Variants in ASIC2 observed in about 807,000 individuals in gnomAD.
The protein encoded by ASIC2 is acid sensing ion channel subunit 2.
A neutral mutation model predicts 57.3 loss-of-function variants in ASIC2; 25 were observed. The ratio of observed to expected loss-of-function variants is 0.44; its 90% CI spans 0.32 to 0.61. ASIC2 has a LOEUF of 0.61. Ranked by LOEUF, ASIC2 falls within the 20% of genes least tolerant of loss-of-function variation. The probability of loss-of-function intolerance (pLI) is 0.06; values close to 1 mark genes in which losing one functional copy is unlikely to be tolerated. For missense variants in ASIC2, 641 were observed against 738.1 expected, an observed-to-expected ratio of 0.87 and a Z score of 1.52; for synonymous variants, 319 against 307.5, an observed-to-expected ratio of 1.04 and a Z score of -0.39.
At chr17:34,140,210 C>T (rs577032864) in intron 1 of ASIC2, among the ~76,000 whole-genome samples, 60 of 152,136 alleles carry the variant, frequency 3.9e-4, no homozygotes, top group African/African-American at 1.2e-3. Context: ...GGAAGACGGG[C>T]GCCATTCAAG....
intron 1 of ASIC2, among the ~76,000 whole-genome samples, chr17:33,972,296 CGATT>C (rs1331712375): frequency 1.3e-5 from 2 of 152,024 alleles, no homozygotes; most frequent in African/African-American, 2.4e-5. Flanking sequence ...ATACATTTGA[CGATT>C]GATTTAGTTA....
At chr17:33,923,498 A>G (rs1642770425) in intron 1 of ASIC2, among the ~76,000 whole-genome samples, 1 of 152,238 alleles carries the variant, frequency 6.6e-6, no homozygotes, top group Non-Finnish European at 1.5e-5. Flanking sequence ...ACAGGTTACC[A>G]AGTCTGGGCC....
chr17:33,252,454 C>T (rs923984138), intron 1 of ASIC2, among the ~76,000 whole-genome samples: 7 of 152,182 alleles, frequency 4.6e-5, no homozygotes, highest in East Asian at 1.9e-4. Context: ...TTGACACAGA[C>T]GCAGCCTGCC....
At chr17:33,612,666 C>G (rs1376449888) in intron 1 of ASIC2, among the ~76,000 whole-genome samples, 4 of 152,192 alleles carry the variant, frequency 2.6e-5, no homozygotes, top group Non-Finnish European at 4.4e-5. Flanking sequence ...TGTAAGTATT[C>G]ACCATGCCAT....
intron 1 of ASIC2, among the ~76,000 whole-genome samples, chr17:33,413,451 C>T (rs552380234): frequency 6.6e-6 from 1 of 152,344 alleles, no homozygotes; most frequent in African/African-American, 2.4e-5. Flanking sequence ...AACTATCTCT[C>T]CAAGCTGCCC....
chr17:33,634,523 T>C (rs1213277900), intron 1 of ASIC2, among the ~76,000 whole-genome samples: 6 of 146,672 alleles, frequency 4.1e-5, no homozygotes, highest in South Asian at 4.4e-4. Flanking sequence ...TCTTTTTTTT[T>C]TTTTTTTTTT....
intron 1 of ASIC2, among the ~76,000 whole-genome samples, chr17:33,232,483 T>TGGTATGGTAC (rs1908140516): frequency 6.6e-6 from 1 of 150,500 alleles, no homozygotes; most frequent in African/African-American, 2.5e-5. Flanking sequence ...TGGTATGGTA[T>TGGTATGGTAC]GGTATGGTAT....
intron 1 of ASIC2, among the ~76,000 whole-genome samples, chr17:33,464,479 TCTC>T (rs373903662): frequency 0.12 from 9,128 of 78,204 alleles, 442 homozygotes; most frequent in African/African-American, 0.17. Context: ...TTCTTTCTTT[TCTC>T]TCTTTCTTTC....
chr17:33,556,324 A>G (rs1456742880), intron 1 of ASIC2, among the ~76,000 whole-genome samples: 3 of 152,194 alleles, frequency 2.0e-5, no homozygotes. Flanking sequence ...CATAAAGCAG[A>G]GATGCCTTGG....
chr17:33,712,180 C>T (rs1425407870), intron 1 of ASIC2, among the ~76,000 whole-genome samples: 1 of 152,184 alleles, frequency 6.6e-6, no homozygotes, highest in Non-Finnish European at 1.5e-5. Context: ...CACTTGACCT[C>T]CAGGGATGAC....
At chr17:34,077,053 G>A (rs939320002) in intron 1 of ASIC2, among the ~76,000 whole-genome samples, 9 of 152,246 alleles carry the variant, frequency 5.9e-5, no homozygotes, top group Non-Finnish European at 1.3e-4. Context: ...GAACCCCAGA[G>A]AAGTGATGTA....
intron 1 of ASIC2, among the ~76,000 whole-genome samples, chr17:34,067,321 A>G (rs1909209204): frequency 6.6e-6 from 1 of 152,220 alleles, no homozygotes; most frequent in African/African-American, 2.4e-5. Flanking sequence ...GAATACAAAT[A>G]GCTGATAGAT....
chr17:33,129,364 G>A (rs1215584945), intron 1 of ASIC2, among the ~76,000 whole-genome samples: 1 of 152,150 alleles, frequency 6.6e-6, no homozygotes, highest in Non-Finnish European at 1.5e-5. Context: ...AGGAACTAGG[G>A]GTATTTAGAA....
chr17:33,806,010 G>A (rs183774816), intron 1 of ASIC2, among the ~76,000 whole-genome samples: 23 of 152,286 alleles, frequency 1.5e-4, no homozygotes, highest in Admixed American at 5.2e-4. Flanking sequence ...TCACAGAGCC[G>A]CAGTCCTCCC....
chr17:33,923,625 T>G (rs531707040), intron 1 of ASIC2, among the ~76,000 whole-genome samples: 1 of 152,290 alleles, frequency 6.6e-6, no homozygotes, highest in Non-Finnish European at 1.5e-5. Context: ...ACTTTCCATG[T>G]TTATAGAAGG....
intron 1 of ASIC2, among the ~76,000 whole-genome samples, chr17:33,925,007 A>G (rs1337518234): frequency 1.3e-5 from 2 of 152,214 alleles, no homozygotes; most frequent in Non-Finnish European, 2.9e-5. Flanking sequence ...TACTGTCTCT[A>G]TACTCAGCTG....
intron 1 of ASIC2, among the ~76,000 whole-genome samples, chr17:33,841,727 G>A (rs144062108): frequency 2.7e-4 from 41 of 152,316 alleles, no homozygotes; most frequent in African/African-American, 9.4e-4. Context: ...TGGTCGTTAT[G>A]GGTATTTTGG....
At chr17:33,205,083 C>T (rs375581120) in intron 1 of ASIC2, among the ~76,000 whole-genome samples, 21 of 152,230 alleles carry the variant, frequency 1.4e-4, no homozygotes, top group Admixed American at 5.9e-4. Context: ...CCTTTTGTTG[C>T]CACCTGATCA....
intron 1 of ASIC2, among the ~76,000 whole-genome samples, chr17:33,630,594 A>G (rs1906132639): frequency 6.6e-6 from 1 of 152,168 alleles, no homozygotes; most frequent in Non-Finnish European, 1.5e-5. Flanking sequence ...ACAGTGCTCA[A>G]GGTCAAGGGT....
Sources: gnomAD v4.1 joint callset for allele counts (sites outside exome capture counted in the v4.1 genomes callset) on GRCh38, gnomAD v4.1.1 for gene constraint, MANE v1.5 for transcripts, NCBI Gene and HGNC (gene_info 2026-07-23, HGNC 2026-07-21) for gene names.